The following CAMK2B variants were observed in gnomAD, a reference collection of about 807,000 sequenced individuals.
The protein encoded by CAMK2B is calcium/calmodulin dependent protein kinase II beta, also known as calcium/calmodulin-dependent protein kinase type II subunit beta.
In CAMK2B, 27 loss-of-function variants were observed where a neutral mutation model predicts 93.7. The observed-to-expected ratio is 0.29, with a 90% CI of 0.21 to 0.40. The LOEUF is 0.40. Ranked by LOEUF, CAMK2B falls within the 10% of genes least tolerant of loss-of-function variation. The pLI is 1.00. For missense variants in CAMK2B, 568 were observed against 895.8 expected (o/e 0.63, Z 4.67); for synonymous variants, 374 against 358.8 (o/e 1.04, Z -0.48).
intron 13 of CAMK2B, among the ~76,000 whole-genome samples, chr7:44,237,810 T>A (rs1047457330): frequency 1.2e-4 from 19 of 152,168 alleles, no homozygotes; most frequent in Non-Finnish European, 2.4e-4. Flanking sequence ...TCTGCAGGCC[T>A]CTGTGGGACA....
intron 1 of CAMK2B, among the ~76,000 whole-genome samples, chr7:44,288,307 G>A (rs1194793846): frequency 1.3e-5 from 2 of 152,272 alleles, no homozygotes; most frequent in African/African-American, 4.8e-5. Context: ...TGGTCCTTGG[G>A]CTCAGCAAAG....
chr7:44,322,560 G>A (rs34585441), intron 1 of CAMK2B, among the ~76,000 whole-genome samples: 4 of 152,286 alleles, frequency 2.6e-5, no homozygotes, highest in East Asian at 1.9e-4. Context: ...GGGCCATGCC[G>A]GGCTGAGGGC....
rs2096463850 is a variant in CAMK2B at position 44,225,476 on chromosome 7, C to T, written c.1597+1040G>A. The stretch of plus-strand genomic sequence containing the variant: ...TCAAGAACCTGGCCTCTCCCCTCAG[C>T]TGCTTGCCTCTGATCCCCTCAGTCA... On this transcript the variant is annotated intron_variant, in intron 20 of 23. Coordinates refer to ENST00000395749, the MANE Select transcript of CAMK2B (RefSeq NM_001220.5). The surrounding 1 kb of genome is among the most constrained non-coding windows in gnomAD (Gnocchi z 5.0). Among the ~76,000 whole-genome samples the T allele has an allele frequency of 1.3e-5, 2 of 152,172 alleles. No individual in the cohort carries two copies. The highest frequency in any genetic ancestry group is 4.8e-5 in the African/African-American group (2 of 41,430).
intron 3 of CAMK2B, among the ~76,000 whole-genome samples, chr7:44,262,240 G>A (rs1419082065): frequency 6.6e-6 from 1 of 152,208 alleles, no homozygotes; most frequent in Admixed American, 6.5e-5. Flanking sequence ...TGGCATAAGT[G>A]AATCAGAGCT....
intron 1 of CAMK2B, among the ~76,000 whole-genome samples, chr7:44,315,429 C>T (rs1794623287): frequency 6.6e-6 from 1 of 152,154 alleles, no homozygotes; most frequent in Non-Finnish European, 1.5e-5. Flanking sequence ...TTTCACTGAT[C>T]TATGTATTTA....
intron 11 of CAMK2B, 21 bp from the exon 12 acceptor site, chr7:44,240,770 A>G (rs775276122): frequency 2.5e-6 from 4 of 1,612,490 alleles, no homozygotes; most frequent in Non-Finnish European, 3.4e-6. Context: ...ACACAGATAA[A>G]ACCGGGGCTA....
intron 1 of CAMK2B, among the ~76,000 whole-genome samples, chr7:44,294,839 A>G (rs987987895): frequency 2.0e-5 from 3 of 152,092 alleles, no homozygotes; most frequent in Non-Finnish European, 4.4e-5. Flanking sequence ...CACCCCTCCC[A>G]ACAAAAGGTC....
chr7:44,261,280 G>A (rs977723095), intron 3 of CAMK2B, among the ~76,000 whole-genome samples: 6 of 152,258 alleles, frequency 3.9e-5, no homozygotes, highest in Admixed American at 2.0e-4. Flanking sequence ...GCCCCTCTGA[G>A]CTGCCCCACC....
In CAMK2B at chr7:44,312,652, T is replaced by G. The variant is rs1793859643; in HGVS notation, c.65+12705A>C. ...AGGGAGGAAAAGTGGAAACATGAAGTGAGAAAAAGAGAGGGAGAGAAACAG... is the reference window on the plus strand; with the variant it reads ...AGGGAGGAAAAGTGGAAACATGAAGGGAGAAAAAGAGAGGGAGAGAAACAG... On this transcript the variant is annotated intron_variant, in intron 1 of 23. Transcript: ENST00000395749. The surrounding 1 kb of genome is among the most constrained non-coding windows in gnomAD (Gnocchi z 4.1). Among the ~76,000 whole-genome samples, 1 of 149,446 alleles carries G rather than the reference T, an allele frequency of 6.7e-6. No individual in the cohort carries two copies. Among genetic ancestry groups the G allele is most frequent in the African/African-American group, 2.5e-5 (1 of 40,392 alleles).
At chr7:44,264,464 C>T (rs568270183) in intron 2 of CAMK2B, among the ~76,000 whole-genome samples, 5 of 152,178 alleles carry the variant, frequency 3.3e-5, no homozygotes. Flanking sequence ...CTGGCTCCCC[C>T]CTCCCAGGAC....
At chr7:44,264,691 A>G (rs999041327) in intron 2 of CAMK2B, among the ~76,000 whole-genome samples, 11 of 152,092 alleles carry the variant, frequency 7.2e-5, no homozygotes, top group African/African-American at 2.7e-4. Flanking sequence ...GGTCTTCCAG[A>G]ATACTCCAGT....
At chr7:44,297,715 G>GA (rs757022663) in intron 1 of CAMK2B, among the ~76,000 whole-genome samples, 64 of 149,562 alleles carry the variant, frequency 4.3e-4, no homozygotes, top group Admixed American at 6.0e-4. Flanking sequence ...TTTTTGCAGG[G>GA]AAAAAAAAAC....
chr7:44,220,834 C>T lies in CAMK2B; in HGVS notation c.1665G>A (p.Glu555=). 1 of 1,569,482 alleles carries T rather than the reference C, an allele frequency of 6.4e-7. No homozygotes were observed. Among genetic ancestry groups the T allele is most frequent in the Non-Finnish European group, 8.6e-7 (1 of 1,156,350 alleles). The change falls in exon 21 of 24, where the codon GAG becomes GAA. Residue 555 remains glutamate (E), a synonymous_variant. Coordinates refer to ENST00000395749, the MANE Select transcript of CAMK2B (RefSeq NM_001220.5). The stretch of plus-strand genomic sequence containing the variant: ...CAGCCCCAGGGACTCACGCGTAGGC[C>T]TCAAAGTCACCGTTGTTGACGGCCT... The part of the protein sequence containing the change: ...LIEAVNNGDF[E]AYAKICDPGL...
In CAMK2B at chr7:44,247,106, G is replaced by A; in HGVS notation, c.414+14C>T. ...GACAACAGACACCTGGCACAGAGTG[G>A]GGTGGGGACTCACCTTGAGGTCTCT... is the stretch of plus-strand genomic sequence containing the variant. On this transcript the variant is annotated intron_variant, in intron 6 of 23. Transcript: ENST00000395749. 1 of 1,606,196 alleles carries A rather than the reference G, an allele frequency of 6.2e-7. No individual in the cohort carries two copies. The highest frequency in any genetic ancestry group is 8.5e-7 in the Non-Finnish European group (1 of 1,172,948).
rs182205423 is a variant in CAMK2B, at chr7:44,234,350, G to A, written c.1131+40C>T. 1.4e-4 allele frequency: 208 copies of A among 1,468,756 alleles called. No individual in the cohort carries two copies. The East Asian group carries it at 3.1e-3, about 22-fold the overall frequency. 91.0% of individuals were successfully genotyped at this position (1,468,756 alleles called of 1,614,324 possible). On this transcript the variant is annotated intron_variant, in intron 15 of 23. Transcript: ENST00000395749. ...CAGCGGCAATCACACAGCCAGGGGC[G>A]TAGGAGGGGCTGAGAGGCAGAATTT...
intron 1 of CAMK2B, among the ~76,000 whole-genome samples, chr7:44,308,009 C>T (rs1175092478): frequency 6.6e-6 from 1 of 152,092 alleles, no homozygotes; most frequent in African/African-American, 2.4e-5. Flanking sequence ...GGATTCCAGG[C>T]CTTTTTGACC....
At position 44,220,288 on chromosome 7, in the gene CAMK2B, G is replaced by A. The variant is rs1352014497; in HGVS notation, c.1775C>T (p.Ala592Val). ...CGTGTGGATCGGCTTGCTGTTCTTG[G>A]CCAGCACTGTGGACAGCAGGCGGGG... is the stretch of plus-strand genomic sequence containing the variant. ...FHRFYFENLL[A>V]KNSKPIHTTI... Residue 592 changes from alanine to valine, a missense_variant, in exon 23 of 24, where the codon GCC (alanine) becomes GTC (valine). This residue lies in a region of CAMK2B where 116 missense variants were observed against 188.0 expected (regional missense o/e 0.62). Coordinates refer to ENST00000395749, the MANE Select transcript of CAMK2B (RefSeq NM_001220.5). 6.2e-7 allele frequency: 1 copy of A among 1,612,056 alleles called. No individual in the cohort carries two copies. The highest frequency in any genetic ancestry group is 8.5e-7 in the Non-Finnish European group (1 of 1,179,378).
At position 44,242,620 on chromosome 7, in the gene CAMK2B, T is replaced by A; in HGVS notation, c.636A>T (p.Pro212=). ...TGTGCTGGTCCTCGTCCCAGAAGGG[T>A]GGGTAGCCCACGAGCAGGATGTACA... ...VILYILLVGY[P]PFWDEDQHKL... Residue 212 remains proline (P), a synonymous_variant, in exon 9 of 24, where the codon CCA becomes CCT. Coordinates refer to ENST00000395749, the MANE Select transcript of CAMK2B (RefSeq NM_001220.5). The A allele has an allele frequency of 1.2e-6, 2 of 1,612,280 alleles. No homozygotes were observed. Among genetic ancestry groups the A allele is most frequent in the Non-Finnish European group, 1.7e-6 (2 of 1,179,492 alleles).
intron 1 of CAMK2B, among the ~76,000 whole-genome samples, chr7:44,322,731 C>A (rs917165806): frequency 6.6e-6 from 1 of 152,206 alleles, no homozygotes. Context: ...GCTGCCCAGG[C>A]CTCTGGGGAA....
Sources: allele counts gnomAD v4.1 joint callset (sites outside exome capture counted in the v4.1 genomes callset), GRCh38; gene constraint gnomAD v4.1.1; regional missense constraint gnomAD v4.1.1; non-coding constraint Gnocchi (gnomAD v3.1); transcripts MANE v1.5; gene names NCBI Gene and HGNC (gene_info 2026-07-23, HGNC 2026-07-21).